SPAG17: variants seen among roughly 807,000 people sequenced by gnomAD.
SPAG17 encodes sperm associated antigen 17, also known as sperm-associated antigen 17.
A neutral mutation model predicts 273.6 loss-of-function variants in SPAG17; 169 were observed. That is an observed-to-expected ratio of 0.62 (90% CI 0.55 to 0.70). The LOEUF is 0.70. Among genes scored for constraint, SPAG17 ranks in the 30% least tolerant of loss-of-function variants. The pLI is 0.00. For synonymous variants in SPAG17, 825 were observed against 873.2 expected (o/e 0.94, Z 0.97); for missense variants, 2,557 against 2,627.8 (o/e 0.97, Z 0.59).
chr1:117,996,161 T>C (rs1416779411), intron 34 of SPAG17, among the ~76,000 whole-genome samples: 2 of 152,140 alleles, frequency 1.3e-5, no homozygotes, highest in Non-Finnish European at 2.9e-5. Context: ...TGCTCAGATG[T>C]ATCTTGATAT....
chr1:118,061,025 A>C (rs1557972036), intron 18 of SPAG17, among the ~76,000 whole-genome samples: 1 of 152,186 alleles, frequency 6.6e-6, no homozygotes, highest in Non-Finnish European at 1.5e-5. Flanking sequence ...TGGTTATTAT[A>C]AACAAAACAA....
intron 3 of SPAG17, among the ~76,000 whole-genome samples, chr1:118,132,277 C>T (rs577589550): frequency 6.6e-6 from 1 of 152,066 alleles, no homozygotes; most frequent in South Asian, 2.1e-4. Flanking sequence ...AGCAGTGACC[C>T]AGGAAGAAGG....
In SPAG17 at chr1:118,104,520, C is replaced by T. The variant is rs543741535; in HGVS notation, c.448-2594G>A. On this transcript the variant is annotated intron_variant, in intron 4 of 48. Coordinates refer to ENST00000336338, the MANE Select transcript of SPAG17 (RefSeq NM_206996.4). ...GCATAACATACAAATAGTAGATAATCGCATGGGAAGAGATGAATCACCATG... is the reference window on the plus strand; with the variant it reads ...GCATAACATACAAATAGTAGATAATTGCATGGGAAGAGATGAATCACCATG... Among the ~76,000 whole-genome samples, 10 of 152,208 alleles carry T rather than the reference C, an allele frequency of 6.6e-5. No individual in the cohort carries two copies. In the East Asian group the frequency reaches 1.2e-3, roughly 18 times the overall value.
intron 18 of SPAG17, among the ~76,000 whole-genome samples, chr1:118,062,384 A>AAAAAAAAAAAAAAT (rs1553242204): frequency 2.0e-4 from 30 of 149,190 alleles, no homozygotes; most frequent in African/African-American, 6.9e-4. Flanking sequence ...AAAAAAAAAA[A>AAAAAAAAAAAAAAT]AAATTAAAGA....
chr1:118,008,939 T>C (rs1659185060), intron 30 of SPAG17, among the ~76,000 whole-genome samples: 1 of 152,144 alleles, frequency 6.6e-6, no homozygotes, highest in African/African-American at 2.4e-5. Flanking sequence ...CTGATGGACA[T>C]TTATATTTTC....
chr1:118,007,250 G>A (rs574012050), intron 31 of SPAG17, among the ~76,000 whole-genome samples: 1 of 152,274 alleles, frequency 6.6e-6, no homozygotes, highest in South Asian at 2.1e-4. Context: ...GGATGAAGAG[G>A]TGGAAGGATA....
rs76835729 is a variant in SPAG17 at position 118,028,204 on chromosome 1, T to C, written c.3730+70A>G. 7.7e-4 allele frequency: 1,181 copies of C among 1,529,264 alleles called. 13 individuals carry two copies. In the African/African-American group the frequency reaches 0.015, roughly 19 times the overall value. 94.7% of individuals were successfully genotyped at this position (1,529,264 alleles called of 1,614,324 possible). ...GATGTATGTTTAACTGGCATGAAAA[T>C]ACACAATTTCCTGTTTTCTACGTGA... On this transcript the variant is annotated intron_variant, in intron 26 of 48. Transcript: ENST00000336338.
Position 118,185,132 on chromosome 1 carries a change from C to G in SPAG17, c.26G>C (p.Gly9Ala). MAPKKEKG[G>A]TVNTSSKIWE... ...TATCTTAGAACTGGTGTTCACAGTT[C>G]CTCCTTTCTCCTTCTTGGGTGCCAT... The change falls in exon 1 of 49, where the codon GGA becomes GCA. Residue 9 changes from glycine to alanine, a missense_variant. Transcript: ENST00000336338. 6.2e-7 allele frequency: 1 copy of G among 1,614,096 alleles called. No homozygotes were observed. Among genetic ancestry groups the G allele is most frequent in the East Asian group, 2.2e-5 (1 of 44,846 alleles).
At chr1:118,181,249 G>T (rs190801783) in intron 1 of SPAG17, among the ~76,000 whole-genome samples, 1 of 151,766 alleles carries the variant, frequency 6.6e-6, no homozygotes, top group Admixed American at 6.6e-5. Flanking sequence ...ATATAGAAAA[G>T]AAATAATAAA....
chr1:118,046,412 A>C (rs1196394456), intron 20 of SPAG17, among the ~76,000 whole-genome samples: 1 of 152,122 alleles, frequency 6.6e-6, no homozygotes, highest in Non-Finnish European at 1.5e-5. Context: ...GTAGCAACAC[A>C]AAAAAATCAA....
At chr1:118,078,281 T>C (rs533781829) in intron 15 of SPAG17, among the ~76,000 whole-genome samples, 1 of 152,208 alleles carries the variant, frequency 6.6e-6, no homozygotes, top group East Asian at 1.9e-4. Context: ...TTTTTCTTTT[T>C]TTATCCAATT....
chr1:117,996,535 T>C lies in SPAG17; in HGVS notation c.4923-35A>G, dbSNP rs779468815. On this transcript the variant is annotated intron_variant, in intron 33 of 48. Transcript: ENST00000336338. ...GAAATAAAAATATAATCACTTCAAG[T>C]ATTCCGTTAAAATTCTCCTTGAACT... 2.2e-5 allele frequency: 35 copies of C among 1,605,694 alleles called. No homozygotes were observed. The Middle Eastern group carries it at 5.0e-4, about 23-fold the overall frequency.
rs1348815618 is a variant in SPAG17 at position 118,136,787 on chromosome 1, GTGTGTGTGTGTGTA to G, written c.315+13742_315+13755del. ...TGCTTGTTTTAAAGAAAGGGGTAAAGTGTGTGTGTGTGTATGTGTGTGTGTGTGTGTGTGTGTGT... is the reference window on the plus strand; with the variant it reads ...TGCTTGTTTTAAAGAAAGGGGTAAAGTGTGTGTGTGTGTGTGTGTGTGTGT... On this transcript the variant is annotated intron_variant, in intron 3 of 48. Transcript: ENST00000336338. Among the ~76,000 whole-genome samples the G allele has an allele frequency of 1.3e-3, 161 of 121,386 alleles. 1 individual carries two copies. Among genetic ancestry groups the G allele is most frequent in the African/African-American group, 4.9e-3 (153 of 31,350 alleles). The allele number at this position is 121,386 out of a possible 152,430, so 79.6% of individuals were successfully genotyped here.
chr1:118,075,894 T>C (rs1026139124), intron 15 of SPAG17, among the ~76,000 whole-genome samples: 2 of 152,028 alleles, frequency 1.3e-5, no homozygotes, highest in Non-Finnish European at 2.9e-5. Context: ...TTCTCAAGAG[T>C]CTTCTGCCTC....
chr1:118,015,014 G>T (rs1659826502), intron 29 of SPAG17, among the ~76,000 whole-genome samples: 1 of 152,166 alleles, frequency 6.6e-6, no homozygotes, highest in Admixed American at 6.6e-5. Flanking sequence ...GCCGGGCGTG[G>T]TGGTTCATGT....
At chr1:117,979,157 C>T (rs1215843451) in intron 43 of SPAG17, among the ~76,000 whole-genome samples, 1 of 152,190 alleles carries the variant, frequency 6.6e-6, no homozygotes, top group Admixed American at 6.5e-5. Flanking sequence ...GCATGAGCCA[C>T]CGCGCCTGGC....
At chr1:118,083,019 T>C (rs759256071) in intron 13 of SPAG17, among the ~76,000 whole-genome samples, 5 of 152,140 alleles carry the variant, frequency 3.3e-5, no homozygotes, top group Non-Finnish European at 5.9e-5. Context: ...TTTTGTTTTG[T>C]TTTGTTTTTT....
intron 39 of SPAG17, 66 bp downstream of exon 39, chr1:117,988,039 C>T (rs1477212075): frequency 1.0e-5 from 15 of 1,454,978 alleles, no homozygotes; most frequent in Non-Finnish European, 1.4e-5. Context: ...ATAGCACCTG[C>T]ATATTCCATT....
intron 38 of SPAG17, among the ~76,000 whole-genome samples, chr1:117,989,777 G>A (rs1571164091): frequency 1.3e-5 from 2 of 151,584 alleles, no homozygotes; most frequent in Admixed American, 6.6e-5. Context: ...ATGGGGTTTC[G>A]CCATGTTGCC....
Sources: gnomAD v4.1 joint callset for allele counts (sites outside exome capture counted in the v4.1 genomes callset) on GRCh38, gnomAD v4.1.1 for gene constraint, MANE v1.5 for transcripts, NCBI Gene and HGNC (gene_info 2026-07-23, HGNC 2026-07-21) for gene names.